The following ERC1 variants were observed in gnomAD, a reference collection of about 807,000 sequenced individuals.
ERC1 encodes the protein RAB6 interacting protein 2.
Under a neutral mutation model 132.0 loss-of-function variants are expected in ERC1, and 56 were observed. The observed-to-expected ratio is 0.42, with a 90% CI of 0.34 to 0.53. The LOEUF (loss-of-function observed/expected upper bound fraction) is 0.53. Among genes scored for constraint, ERC1 ranks in the 20% least tolerant of loss-of-function variants. ERC1 has a pLI of 0.03. For missense variants in ERC1, 1,202 were observed against 1,349.9 expected, an observed-to-expected ratio of 0.89 and a Z score of 1.72; for synonymous variants, 478 against 476.1, an observed-to-expected ratio of 1.00 and a Z score of -0.05.
At chr12:1,226,204 A>C (rs1426097644) in intron 12 of ERC1, among the ~76,000 whole-genome samples, 1 of 152,186 alleles carries the variant, frequency 6.6e-6, no homozygotes, top group Admixed American at 6.5e-5. Context: ...CTTAGTGTGC[A>C]TTTTCAATGG....
chr12:1,196,838 C>CTCTCTCTCTCTCTCTCTCTCTG (rs1555299913), intron 12 of ERC1, among the ~76,000 whole-genome samples: 2 of 99,398 alleles, frequency 2.0e-5, no homozygotes, highest in Admixed American at 9.5e-5. Flanking sequence ...CTCTGTCTGT[C>CTCTCTCTCTCTCTCTCTCTCTG]TCTCTGTCTG....
chr12:1,400,259 C>T (rs561061339), intron 16 of ERC1, among the ~76,000 whole-genome samples: 4 of 152,242 alleles, frequency 2.6e-5, no homozygotes, highest in African/African-American at 9.6e-5. Context: ...AAATCCCTTG[C>T]TCATTTTTAA....
chr12:1,325,111 C>CTTTA (rs2082359334), intron 15 of ERC1, among the ~76,000 whole-genome samples: 1 of 152,144 alleles, frequency 6.6e-6, no homozygotes, highest in Non-Finnish European at 1.5e-5. Context: ...AAAGACTTGG[C>CTTTA]TTTAGTCTTC....
intron 7 of ERC1, among the ~76,000 whole-genome samples, chr12:1,120,330 C>T (rs11829288): frequency 0.056 from 8,478 of 152,184 alleles, 285 homozygotes; most frequent in Middle Eastern, 0.1. Context: ...TAAAAAATTT[C>T]GAAACACCTT....
chr12:1,150,422 A>G (rs1593733845), intron 8 of ERC1, among the ~76,000 whole-genome samples: 1 of 152,212 alleles, frequency 6.6e-6, no homozygotes, highest in East Asian at 1.9e-4. Context: ...TTATCTTCAA[A>G]CCATTACATA....
chr12:1,211,732 T>C (rs1957897220), intron 12 of ERC1, among the ~76,000 whole-genome samples: 1 of 151,728 alleles, frequency 6.6e-6, no homozygotes, highest in African/African-American at 2.4e-5. Context: ...GCTAATTTTT[T>C]TTTTTTTTTG....
At chr12:1,044,147 C>T (rs4765969) in intron 2 of ERC1, among the ~76,000 whole-genome samples, 64,464 of 152,056 alleles carry the variant, frequency 0.42, 16,861 homozygotes, top group East Asian at 0.79. Flanking sequence ...GAGCTGCATT[C>T]TAGTTCTGAT....
Position 1,265,656 on chromosome 12 carries a change from C to G in ERC1, c.2619+2491C>G, listed in dbSNP as rs370239448. ...GTTTTGCCAAATGTATAATGACATG[C>G]ATCTGCCATTACAGTATTATACAGA... is the stretch of plus-strand genomic sequence containing the variant. On this transcript the variant is annotated intron_variant, in intron 14 of 18. Coordinates refer to ENST00000360905, the MANE Select transcript of ERC1 (RefSeq NM_178040.4). 2.0e-4 allele frequency among the ~76,000 whole-genome samples: 31 copies of G among 152,296 alleles called. 2 individuals are homozygous for G. The South Asian group carries it at 6.4e-3, about 32-fold the overall frequency.
At chr12:1,351,319 AG>A (rs545282497) in intron 15 of ERC1, among the ~76,000 whole-genome samples, 35 of 152,230 alleles carry the variant, frequency 2.3e-4, no homozygotes, top group Non-Finnish European at 3.1e-4. Context: ...CTATGTTTTG[AG>A]TAAATACTAA....
At chr12:1,367,401 A>G (rs1473015113) in intron 15 of ERC1, among the ~76,000 whole-genome samples, 1 of 152,194 alleles carries the variant, frequency 6.6e-6, no homozygotes, top group Non-Finnish European at 1.5e-5. Flanking sequence ...TGACATACTC[A>G]GTTGGAGGAG....
At chr12:1,485,224 A>T (rs1378661575) in intron 18 of ERC1, among the ~76,000 whole-genome samples, 1,225 of 38,020 alleles carry the variant, frequency 0.032, 25 homozygotes, top group African/African-American at 0.1. Context: ...TTTTTTTTTG[A>T]GACAGAGTCT....
In ERC1 at chr12:1,161,693, T is replaced by C. The variant is rs564981192; in HGVS notation, c.1738-18847T>C. Among the ~76,000 whole-genome samples, 94 of 152,330 alleles carry C rather than the reference T, an allele frequency of 6.2e-4. 1 individual carries two copies. Among genetic ancestry groups the C allele is most frequent in the African/African-American group, 2.0e-3 (85 of 41,566 alleles). On this transcript the variant is annotated intron_variant, in intron 8 of 18. Coordinates refer to ENST00000360905, the MANE Select transcript of ERC1 (RefSeq NM_178040.4). ...GGATATTGTGGTATAACTTTTAAGG[T>C]AGAACTTTAGGTATCCCTGTAGAGA...
In ERC1 at chr12:1,491,451, A is replaced by T. The variant is rs1315689936; in HGVS notation, c.*1221A>T. ...CTGTGTGCAAGTCATCCATCCTTGA[A>T]AAGGCCACTTCTCAGTGAGGGAGAG... On this transcript the variant is annotated 3_prime_UTR_variant, in exon 19 of 19. Transcript: ENST00000360905. 8.7e-6 allele frequency: 2 copies of T among 230,558 alleles called. No homozygotes were observed. The highest frequency in any genetic ancestry group is 1.7e-5 in the Non-Finnish European group (2 of 116,424). 14.3% of individuals were successfully genotyped at this position (230,558 alleles called of 1,614,324 possible). A position where few individuals can be genotyped will look rare whatever the true frequency, so the allele number is the denominator to read the frequency against.
intron 15 of ERC1, among the ~76,000 whole-genome samples, chr12:1,345,187 C>CTTCTTTTTTTTTTTTTTT (rs1555368776): frequency 7.6e-6 from 1 of 131,494 alleles, no homozygotes; most frequent in African/African-American, 3.0e-5. Context: ...AATATTTCTT[C>CTTCTTTTTTTTTTTTTTT]TTTTTTTTTT....
chr12:1,402,787 GAAGAA>G (rs2091186853), intron 16 of ERC1, among the ~76,000 whole-genome samples: 1 of 152,114 alleles, frequency 6.6e-6, no homozygotes. Flanking sequence ...GATTGTTCAT[GAAGAA>G]AAGACCAGAT....
At chr12:1,199,791 A>G (rs1021606870) in intron 12 of ERC1, among the ~76,000 whole-genome samples, 3 of 152,180 alleles carry the variant, frequency 2.0e-5, no homozygotes, top group African/African-American at 7.2e-5. Flanking sequence ...GAAAAGAAAA[A>G]AAAAAAAAGT....
At chr12:1,213,925 G>A (rs961996087) in intron 12 of ERC1, among the ~76,000 whole-genome samples, 2 of 151,834 alleles carry the variant, frequency 1.3e-5, no homozygotes, top group Admixed American at 1.3e-4. Context: ...AAAAAAATAA[G>A]GAAAAGTTGA....
intron 15 of ERC1, among the ~76,000 whole-genome samples, chr12:1,356,872 T>A (rs537046726): frequency 6.6e-6 from 1 of 152,286 alleles, no homozygotes; most frequent in Admixed American, 6.5e-5. Context: ...ACTCTTATAG[T>A]TTTTGCCAAC....
intron 12 of ERC1, among the ~76,000 whole-genome samples, chr12:1,227,137 A>G (rs2074642587): frequency 6.6e-6 from 1 of 152,018 alleles, no homozygotes; most frequent in Non-Finnish European, 1.5e-5. Context: ...GTTGTTTTTG[A>G]TGTGTAGCAG....
Sources: allele counts gnomAD v4.1 joint callset (sites outside exome capture counted in the v4.1 genomes callset), GRCh38; gene constraint gnomAD v4.1.1; transcripts MANE v1.5; gene names NCBI Gene and HGNC (gene_info 2026-07-23, HGNC 2026-07-21).